Variants in PLCE1 observed in about 807,000 individuals in gnomAD.
PLCE1 encodes the protein 1-phosphatidylinositol 4,5-bisphosphate phosphodiesterase epsilon-1.
PLCE1 carries 119 observed loss-of-function variants against 242.8 expected under a neutral mutation model. That is an observed-to-expected ratio of 0.49 (90% CI 0.42 to 0.57). The LOEUF (loss-of-function observed/expected upper bound fraction) is 0.57. Among genes scored for constraint, PLCE1 ranks in the 20% least tolerant of loss-of-function variants. The probability of loss-of-function intolerance (pLI) is 0.00; values close to 1 mark genes in which losing one functional copy is unlikely to be tolerated. For synonymous variants in PLCE1, 945 were observed against 1,017.4 expected (o/e 0.93, Z 1.35); for missense variants, 2,441 against 2,788.8 (o/e 0.88, Z 2.81).
chr10:94,046,119 A>C (rs1271794946), intron 2 of PLCE1, among the ~76,000 whole-genome samples: 1 of 152,136 alleles, frequency 6.6e-6, no homozygotes, highest in Non-Finnish European at 1.5e-5. Flanking sequence ...CAATTCTTTA[A>C]GTGCTCAGAG....
chr10:94,089,030 T>G, intron 2 of PLCE1: 1 of 1,565,714 alleles, frequency 6.4e-7, no homozygotes, highest in Non-Finnish European at 8.7e-7. Flanking sequence ...CTCATCACCC[T>G]GCACGTTGCA....
chr10:94,236,254 CTTT>C (rs976177492), intron 7 of PLCE1, 134 bp downstream of exon 7: 1 of 718,428 alleles, frequency 1.4e-6, no homozygotes, highest in Non-Finnish European at 2.5e-6. Flanking sequence ...AGCCACACTT[CTTT>C]ATCTTCAAAC....
chr10:94,297,784 C>T (rs913078772), intron 23 of PLCE1, among the ~76,000 whole-genome samples: 1 of 151,988 alleles, frequency 6.6e-6, no homozygotes, highest in Admixed American at 6.6e-5. Context: ...GTGTGGTGGT[C>T]CACTGCATGG....
intron 4 of PLCE1, among the ~76,000 whole-genome samples, chr10:94,203,294 A>G (rs891165787): frequency 2.0e-5 from 3 of 152,116 alleles, no homozygotes; most frequent in African/African-American, 7.2e-5. Context: ...ATGAACCCCT[A>G]TCAGATCACC....
chr10:94,308,541 C>T (rs199738177), intron 26 of PLCE1, 40 bp from the exon 27 acceptor site: 2 of 1,348,040 alleles, frequency 1.5e-6, no homozygotes, highest in Non-Finnish European at 2.1e-6. Context: ...TTTTCAGTAG[C>T]CATGGTTAAC....
rs2061447516 is a variant in PLCE1 at position 94,026,000 on chromosome 10, TA to T, written c.-364-4680del. Among the ~76,000 whole-genome samples, 3 of 152,312 alleles carry T rather than the reference TA, an allele frequency of 2.0e-5. No individual in the cohort carries two copies. The South Asian group carries it at 6.2e-4, about 32-fold the overall frequency. On this transcript the variant is annotated intron_variant, in intron 1 of 32. Transcript: ENST00000371380. ...TGCAAAAGCAGCTACAGACATGACA[TA>T]AATAAATAGATGTGGCTGTGTTCCA... is the stretch of plus-strand genomic sequence containing the variant.
intron 11 of PLCE1, among the ~76,000 whole-genome samples, chr10:94,255,350 TAATTAA>T (rs952731949): frequency 3.8e-4 from 58 of 152,194 alleles, no homozygotes; most frequent in African/African-American, 1.4e-3. Context: ...AAATGTAAAT[TAATTAA>T]AATTAAAGAA....
chr10:94,319,930 C>T (rs182086641), intron 29 of PLCE1, among the ~76,000 whole-genome samples: 273 of 128,486 alleles, frequency 2.1e-3, no homozygotes, highest in Middle Eastern at 5.9e-3. Flanking sequence ...AGTGCAGTGG[C>T]GCGATCTCAG....
At chr10:94,049,593 CTG>C (rs879262254) in intron 2 of PLCE1, among the ~76,000 whole-genome samples, 12 of 151,694 alleles carry the variant, frequency 7.9e-5, no homozygotes, top group African/African-American at 2.4e-4. Context: ...GTCTGTCTGT[CTG>C]TCTGTCTCTC....
chr10:94,291,829 G>A (rs548267021), intron 22 of PLCE1, among the ~76,000 whole-genome samples: 1 of 152,234 alleles, frequency 6.6e-6, no homozygotes, highest in African/African-American at 2.4e-5. Context: ...GTAGATGAAG[G>A]TTCTTTGTTG....
At chr10:94,114,205 A>G (rs2046043933) in intron 2 of PLCE1, among the ~76,000 whole-genome samples, 2 of 152,234 alleles carry the variant, frequency 1.3e-5, no homozygotes, top group South Asian at 4.1e-4. Flanking sequence ...AACCTGGACT[A>G]GAAGGTAAAC....
At chr10:94,077,719 A>T (rs193226651) in intron 2 of PLCE1, among the ~76,000 whole-genome samples, 1 of 152,300 alleles carries the variant, frequency 6.6e-6, no homozygotes, top group Admixed American at 6.5e-5. Flanking sequence ...GTGAACTATG[A>T]TTGTGCCACT....
At chr10:94,274,509 A>C (rs2051873018) in intron 19 of PLCE1, among the ~76,000 whole-genome samples, 1 of 152,224 alleles carries the variant, frequency 6.6e-6, no homozygotes, top group East Asian at 1.9e-4. Flanking sequence ...TACATTACCC[A>C]ATTTGAAGAT....
At chr10:94,296,067 A>C (rs572242517) in intron 23 of PLCE1, among the ~76,000 whole-genome samples, 112 of 152,200 alleles carry the variant, frequency 7.4e-4, no homozygotes, top group African/African-American at 2.6e-3. Context: ...ATTTACAATA[A>C]AAAGTTGTTG....
chr10:94,039,395 T>TC (rs35521539), intron 2 of PLCE1, among the ~76,000 whole-genome samples: 1 of 151,792 alleles, frequency 6.6e-6, no homozygotes, highest in Non-Finnish European at 1.5e-5. Context: ...TTTTTTTTTT[T>TC]CCCGGAGACG....
In PLCE1 at chr10:94,273,772, G is replaced by C. The variant is rs764964066; in HGVS notation, c.4665+52G>C. On this transcript the variant is annotated intron_variant, in intron 19 of 32. Transcript: ENST00000371380. ...GAAAAGGCAGTGTGCCTAGAACAAA[G>C]AAAAATAACATCATTCTAACCTTTC... 138 of 1,496,808 alleles carry C rather than the reference G, an allele frequency of 9.2e-5. 1 individual carries two copies. The highest frequency in any genetic ancestry group is 5.1e-4 in the Middle Eastern group (3 of 5,858). The allele number at this position is 1,496,808 out of a possible 1,614,324, so 92.7% of individuals were successfully genotyped here.
chr10:94,321,864 C>T, intron 29 of PLCE1, 37 bp from the exon 30 acceptor site: 3 of 1,499,392 alleles, frequency 2.0e-6, no homozygotes, highest in East Asian at 2.3e-5. Context: ...TCTGCATAAA[C>T]CTATTATTTA....
At chr10:94,179,529 T>G (rs140062023) in intron 4 of PLCE1, among the ~76,000 whole-genome samples, 4 of 12,554 alleles carry the variant, frequency 3.2e-4, no homozygotes, top group Non-Finnish European at 4.5e-4. Flanking sequence ...TTTTTTTTTT[T>G]TGACAGGGTC....
chr10:94,155,422 G>A (rs1280850174), intron 3 of PLCE1, among the ~76,000 whole-genome samples: 1 of 152,194 alleles, frequency 6.6e-6, no homozygotes, highest in Admixed American at 6.5e-5. Flanking sequence ...GAAATGTCCA[G>A]CATGGGCAAA....
Sources: allele counts gnomAD v4.1 joint callset (sites outside exome capture counted in the v4.1 genomes callset), GRCh38; gene constraint gnomAD v4.1.1; transcripts MANE v1.5; gene names NCBI Gene and HGNC (gene_info 2026-07-23, HGNC 2026-07-21).